The following PAICS variants were observed in gnomAD, a reference collection of about 807,000 sequenced individuals.
PAICS encodes the protein phosphoribosylaminoimidazole carboxylase and phosphoribosylaminoimidazolesuccinocarboxamide synthase, also known as bifunctional phosphoribosylaminoimidazole carboxylase/phosphoribosylaminoimidazole succinocarboxamide synthetase.
In PAICS, 33 loss-of-function variants were observed where a neutral mutation model predicts 53.7. That is an observed-to-expected ratio of 0.61 (90% confidence interval 0.47 to 0.82). PAICS has a LOEUF of 0.82. Ranked by LOEUF, PAICS falls within the 40% of genes least tolerant of loss-of-function variation. The pLI, the probability that PAICS is intolerant of heterozygous loss-of-function variation, is 0.00. For missense variants in PAICS, 394 were observed against 494.1 expected (o/e 0.80, Z 1.92); for synonymous variants, 141 against 167.2 (o/e 0.84, Z 1.21).
chr4:56,429,758 T>C, the PAICS span, among the ~76,000 whole-genome samples: 1 of 152,188 alleles, frequency 6.6e-6, no homozygotes, highest in African/African-American at 2.4e-5. Context: ...TAAAACTTAC[T>C]AGCACCCTAA....
chr4:56,433,409 A>C (rs1397303450), upstream of PAICS, among the ~76,000 whole-genome samples: 3 of 149,624 alleles, frequency 2.0e-5, no homozygotes, highest in Non-Finnish European at 2.9e-5. Context: ...AAAAAAAAAA[A>C]AAAGAAAAAA....
intron 5 of PAICS, among the ~76,000 whole-genome samples, chr4:56,449,766 A>G (rs969311492): frequency 6.6e-6 from 1 of 150,690 alleles, no homozygotes; most frequent in Non-Finnish European, 1.5e-5. Flanking sequence ...TGACAAGGTC[A>G]GGAGTTCAAG....
chr4:56,411,935 T>A, the PAICS span, among the ~76,000 whole-genome samples: 1 of 152,222 alleles, frequency 6.6e-6, no homozygotes, highest in Non-Finnish European at 1.5e-5. Flanking sequence ...CTACATTCTT[T>A]CCATTTCTGA....
chr4:56,430,264 G>T, the PAICS span, among the ~76,000 whole-genome samples: 2 of 152,122 alleles, frequency 1.3e-5, no homozygotes, highest in East Asian at 3.9e-4. Flanking sequence ...GGAAGGCAGG[G>T]TCATAGGGCA....
chr4:56,451,782 T>C, intron 6 of PAICS, 90 bp from the exon 7 acceptor site: 2 of 695,288 alleles, frequency 2.9e-6, no homozygotes, highest in Non-Finnish European at 2.3e-6. Context: ...AAGAAAATAT[T>C]GGGCCCAGAT....
At chr4:56,456,380 C>T (rs1474121511) in intron 8 of PAICS, among the ~76,000 whole-genome samples, 2 of 152,190 alleles carry the variant, frequency 1.3e-5, no homozygotes, top group African/African-American at 4.8e-5. Context: ...GCGTCAGCCA[C>T]TGTGCCCGGC....
chr4:56,443,286 A>AT (rs1397363782), intron 2 of PAICS, among the ~76,000 whole-genome samples: 7 of 152,196 alleles, frequency 4.6e-5, no homozygotes, highest in Non-Finnish European at 1.0e-4. Context: ...GGTTCAAGCG[A>AT]TTCTCATGCC....
intron 3 of PAICS, among the ~76,000 whole-genome samples, chr4:56,447,378 T>C (rs1418029779): frequency 2.0e-5 from 3 of 152,180 alleles, no homozygotes; most frequent in Non-Finnish European, 2.9e-5. Context: ...GTGTGTATTA[T>C]GATTATATAG....
upstream of PAICS, among the ~76,000 whole-genome samples, chr4:56,432,525 CAA>C (rs34998854): frequency 5.7e-4 from 43 of 75,312 alleles, no homozygotes; most frequent in Non-Finnish European, 6.3e-4. Context: ...GACCCTGTCT[CAA>C]AAAAAAAAAA....
Position 56,459,443 on chromosome 4 carries a change from A to G in PAICS, c.1183A>G (p.Asn395Asp). The part of the protein sequence containing the change: ...QFAAQIFGLS[N>D]HLVWSKLRAS... ...TGCTGCTCAGATATTTGGGTTAAGC[A>G]ACCATTTGGTATGGAGCAAACTGCG... The change falls in exon 9 of 9, where the codon AAC becomes GAC. Residue 395 changes from asparagine to aspartate, a missense_variant. Physicochemically the swap from Asn to Asp is conservative, Grantham distance 23. Coordinates refer to ENST00000512576, the MANE Select transcript of PAICS (RefSeq NM_001079524.2). 1 of 1,609,196 alleles carries G rather than the reference A, an allele frequency of 6.2e-7. No individual in the cohort carries two copies. Among genetic ancestry groups the G allele is most frequent in the Non-Finnish European group, 8.5e-7 (1 of 1,176,254 alleles).
rs1372067293 is a variant in PAICS at position 56,463,114 on chromosome 4, C to T, written c.*3576C>T. 1 of 152,140 alleles carries T rather than the reference C, an allele frequency of 6.6e-6. No homozygotes were observed. Among genetic ancestry groups the T allele is most frequent in the Non-Finnish European group, 1.5e-5 (1 of 68,026 alleles). 9.4% of individuals were successfully genotyped at this position (152,140 alleles called of 1,614,324 possible). Reference sequence around the variant, plus strand: ...GTGCCACGGAGCATCCACAACCTGCCATTTCAGCCCAGCCAACCTTAGAAA... The same window carrying T: ...GTGCCACGGAGCATCCACAACCTGCTATTTCAGCCCAGCCAACCTTAGAAA... On this transcript the variant is annotated 3_prime_UTR_variant, in exon 9 of 9. Coordinates refer to ENST00000512576, the MANE Select transcript of PAICS (RefSeq NM_001079524.2).
the PAICS span, chr4:56,416,291 G>C: frequency 5.3e-6 from 1 of 188,708 alleles, no homozygotes; most frequent in Non-Finnish European, 9.8e-6. Flanking sequence ...ACCACATTTA[G>C]CTAAAGCTAT....
chr4:56,441,844 G>A lies in PAICS; in HGVS notation c.198G>A (p.Gln66=). The change falls in exon 2 of 9, where the codon CAG becomes CAA. Residue 66 remains glutamine, a synonymous_variant. Coordinates refer to ENST00000512576, the MANE Select transcript of PAICS (RefSeq NM_001079524.2). Reference sequence around the variant, plus strand: ...ATAAAATCACCAGTTGTATTTTTCAGTTATTACAGGAAGCAGGTAAGCAGC... The same window carrying A: ...ATAAAATCACCAGTTGTATTTTTCAATTATTACAGGAAGCAGGTAAGCAGC... ...ISNKITSCIF[Q]LLQEAGIKTA... 6.3e-7 allele frequency: 1 copy of A among 1,595,060 alleles called. No individual in the cohort carries two copies. Among genetic ancestry groups the A allele is most frequent in the Non-Finnish European group, 8.5e-7 (1 of 1,170,408 alleles).
chr4:56,436,074 C>G (rs756671880), upstream of PAICS: 754 of 1,482,302 alleles, frequency 5.1e-4, no homozygotes, highest in Non-Finnish European at 6.4e-4. Flanking sequence ...GAGGCGGGGT[C>G]GCGTCTCTGC....
chr4:56,414,439 C>G, the PAICS span: 4 of 152,222 alleles, frequency 2.6e-5, no homozygotes, highest in Non-Finnish European at 5.9e-5. Context: ...CATCCTCAGC[C>G]TCAGAATTCC....
chr4:56,446,959 A>G (rs1718653461), intron 3 of PAICS, 86 bp downstream of exon 3: 1 of 859,438 alleles, frequency 1.2e-6, no homozygotes, highest in Admixed American at 3.6e-5. Flanking sequence ...TAAATATTCA[A>G]GCAAAGTTTT....
chr4:56,417,337 C>T, the PAICS span, among the ~76,000 whole-genome samples: 1 of 151,666 alleles, frequency 6.6e-6, no homozygotes, highest in Admixed American at 6.6e-5. Context: ...ACATTAAATA[C>T]ACCATAAAAT....
rs1393250559 is a variant in PAICS at position 56,448,768 on chromosome 4, A to G, written c.632A>G (p.Asn211Ser). The change falls in exon 5 of 9, where the codon AAT becomes AGT. Residue 211 changes from asparagine to serine, a missense_variant. Transcript: ENST00000512576. ...ATTGTTCTTGCTGATGTTATTGACA[A>G]TGATTCCTGGAGACTCTGGCCATCA... Reference protein sequence around the residue: ...KEIVLADVIDNDSWRLWPSGD... With the variant: ...KEIVLADVIDSDSWRLWPSGD... 5 of 1,599,604 alleles carry G rather than the reference A, an allele frequency of 3.1e-6. No homozygotes were observed. Among genetic ancestry groups the G allele is most frequent in the East Asian group, 2.2e-5 (1 of 44,712 alleles).
chr4:56,436,238 T>C, upstream of PAICS: 2 of 1,550,422 alleles, frequency 1.3e-6, no homozygotes, highest in South Asian at 1.2e-5. Flanking sequence ...CCAGCGAAGC[T>C]CTCTGACCAC....
Sources: allele counts gnomAD v4.1 joint callset (sites outside exome capture counted in the v4.1 genomes callset), GRCh38; gene constraint gnomAD v4.1.1; transcripts MANE v1.5; gene names NCBI Gene and HGNC (gene_info 2026-07-23, HGNC 2026-07-21).